Variants in KRT6B observed in about 807,000 individuals in gnomAD.
KRT6B encodes keratin, type II cytoskeletal 6B.
In KRT6B, 29 loss-of-function variants were observed where a neutral mutation model predicts 44.7. The observed-to-expected ratio is 0.65, with a 90% CI of 0.48 to 0.88. KRT6B has a LOEUF of 0.88. Ranked by LOEUF, KRT6B falls within the 40% of genes least tolerant of loss-of-function variation. The pLI, the probability that KRT6B is intolerant of heterozygous loss-of-function variation, is 0.00. For synonymous variants in KRT6B, 213 were observed against 296.0 expected (o/e 0.72, Z 2.88); for missense variants, 600 against 724.0 (o/e 0.83, Z 1.97).
Position 52,450,519 on chromosome 12 carries a change from G to C in KRT6B, c.642C>G (p.Phe214Leu). The C allele has an allele frequency of 1.2e-6, 2 of 1,614,216 alleles. No homozygotes were observed. Among genetic ancestry groups the C allele is most frequent in the Non-Finnish European group, 8.5e-7 (1 of 1,180,054 alleles). ...TCCTGAGGTTGTTGATGTACTGCTC[G>C]AACAACGGCTCCAGGTTCTGCCTCA... ...KTVRQNLEPLFEQYINNLRRQ... is the reference protein window; with the variant it reads ...KTVRQNLEPLLEQYINNLRRQ... Residue 214 changes from phenylalanine to leucine, a missense_variant, in exon 2 of 9, where the codon TTC (phenylalanine) becomes TTG (leucine). Physicochemically the swap from Phe to Leu is conservative, Grantham distance 22 (BLOSUM62 0). Transcript: ENST00000252252.
rs200778388 is a variant in KRT6B, at chr12:52,447,958, C to A, written c.1244G>T (p.Arg415Leu). The change falls in exon 7 of 9, where the codon CGT becomes CTT. Residue 415 changes from arginine to leucine, a missense_variant. By Grantham distance (102) the Arg-to-Leu change is moderately radical (BLOSUM62 -2). This residue lies in a region of KRT6B where 479 missense variants were observed against 454.2 expected (regional missense o/e 1.05). Coordinates refer to ENST00000252252, the MANE Select transcript of KRT6B (RefSeq NM_005555.4). ...LQAAIADAEQ[R>L]GEMALKDAKN... is the part of the protein sequence containing the mutation. Reference sequence around the variant, plus strand: ...AGCATCCTTGAGGGCCATCTCCCCACGCTGCTCAGCATCAGCAATGGCGGC... The same window carrying A: ...AGCATCCTTGAGGGCCATCTCCCCAAGCTGCTCAGCATCAGCAATGGCGGC... 1.2e-6 allele frequency: 2 copies of A among 1,614,160 alleles called. No homozygotes were observed. Among genetic ancestry groups the A allele is most frequent in the South Asian group, 1.1e-5 (1 of 91,082 alleles).
At position 52,451,998 on chromosome 12, in the gene KRT6B, C is replaced by T. The variant is rs1940415401; in HGVS notation, c.81G>A (p.Gly27=). Residue 27 remains glycine, a synonymous_variant, in exon 1 of 9, where the codon GGG becomes GGA. Coordinates refer to ENST00000252252, the MANE Select transcript of KRT6B (RefSeq NM_005555.4). Reference sequence around the variant, plus strand: ...TGCTGCTGAAGCCAGAGCGGCTGACCCCAGGGAGCCTGGCTGAGTTGGCAC... The same window carrying T: ...TGCTGCTGAAGCCAGAGCGGCTGACTCCAGGGAGCCTGGCTGAGTTGGCAC... ...GFSANSARLP[G]VSRSGFSSIS... 6.2e-7 allele frequency: 1 copy of T among 1,613,644 alleles called. No individual in the cohort carries two copies.
In KRT6B at chr12:52,447,943, A is replaced by T. The variant is rs1282286398; in HGVS notation, c.1259T>A (p.Leu420His). Residue 420 changes from leucine (L) to histidine (H), a missense_variant, in exon 7 of 9, where the codon CTC becomes CAC. Leu to His is a moderately conservative substitution (Grantham distance 99, BLOSUM62 -3). This residue lies in a region of KRT6B where 479 missense variants were observed against 454.2 expected (regional missense o/e 1.05). Transcript: ENST00000252252. ...TTCCAGCTTGTTCTTAGCATCCTTG[A>T]GGGCCATCTCCCCACGCTGCTCAGC... ...ADAEQRGEMA[L>H]KDAKNKLEGL... 6.2e-7 allele frequency: 1 copy of T among 1,614,128 alleles called. No individual in the cohort carries two copies. The highest frequency in any genetic ancestry group is 1.1e-5 in the South Asian group (1 of 91,074).
In KRT6B at chr12:52,449,809, C is replaced by G; in HGVS notation, c.861G>C (p.Lys287Asn). The part of the protein sequence containing the change: ...AYMNKVELQA[K>N]ADTLTDEINF... ...TGATCTCATCTGTAAGAGTGTCTGC[C>G]TTGGCTTGCAGTTCAACCTTGTTCA... Residue 287 changes from lysine (K) to asparagine (N), a missense_variant, in exon 4 of 9, where the codon AAG becomes AAC. By Grantham distance (94) the Lys-to-Asn change is moderately conservative. Transcript: ENST00000252252. The G allele has an allele frequency of 1.2e-6, 2 of 1,613,974 alleles. No homozygotes were observed. Among genetic ancestry groups the G allele is most frequent in the Non-Finnish European group, 1.7e-6 (2 of 1,179,884 alleles).
chr12:52,450,182 C>T (rs1940375322), intron 2 of KRT6B, 110 bp from the exon 3 acceptor site: 8 of 1,600,002 alleles, frequency 5.0e-6, no homozygotes, highest in Middle Eastern at 1.7e-4. Flanking sequence ...ATTGAGCTTT[C>T]CTGCCACAGA....
chr12:52,450,725 C>CT, intron 1 of KRT6B, 105 bp from the exon 2 acceptor site: 1 of 1,535,754 alleles, frequency 6.5e-7, no homozygotes, highest in East Asian at 2.3e-5. Flanking sequence ...TGCTGGGCTA[C>CT]TACAGTGCAT....
At chr12:52,448,531 C>A (rs889868275) in intron 6 of KRT6B, among the ~76,000 whole-genome samples, 1 of 152,196 alleles carries the variant, frequency 6.6e-6, no homozygotes, top group African/African-American at 2.4e-5. Context: ...GACCTGACAT[C>A]TTGCCCAACT....
At chr12:52,451,513 C>G (rs373919036) in intron 1 of KRT6B, 26 bp downstream of exon 1, 7 of 1,613,522 alleles carry the variant, frequency 4.3e-6, no homozygotes, top group Admixed American at 1.7e-5. Context: ...CTGAAGTGCC[C>G]GATGGAGGGC....
chr12:52,450,296 A>G (rs1454616757), intron 2 of KRT6B, 110 bp downstream of exon 2: 9 of 1,466,544 alleles, frequency 6.1e-6, no homozygotes, highest in Non-Finnish European at 8.6e-6. Context: ...CCTAGGGACT[A>G]ATTTGTGCTT....
intron 6 of KRT6B, 150 bp from the exon 7 acceptor site, chr12:52,448,148 C>A: frequency 1.8e-6 from 2 of 1,090,836 alleles, no homozygotes; most frequent in Non-Finnish European, 2.7e-6. Flanking sequence ...TTTTTACTGT[C>A]TTCAAAGTTT....
intron 6 of KRT6B, 103 bp from the exon 7 acceptor site, chr12:52,448,101 C>A (rs1592169432): frequency 6.9e-7 from 1 of 1,455,462 alleles, no homozygotes; most frequent in Non-Finnish European, 9.5e-7. Flanking sequence ...GAACCCAGAA[C>A]TGATGGTAAA....
chr12:52,450,136 T>A (rs1458368465), intron 2 of KRT6B, 64 bp from the exon 3 acceptor site: 32 of 1,613,460 alleles, frequency 2.0e-5, no homozygotes, highest in Non-Finnish European at 2.6e-5. Flanking sequence ...AAAAGCAGCT[T>A]GGGATTCAAC....
chr12:52,451,997 C>T lies in KRT6B; in HGVS notation c.82G>A (p.Val28Ile), dbSNP rs761093716. 2.5e-6 allele frequency: 4 copies of T among 1,613,770 alleles called. No homozygotes were observed. In the Admixed American group the frequency reaches 5.0e-5, roughly 20 times the overall value. The part of the protein sequence containing the change: ...FSANSARLPG[V>I]SRSGFSSISV... ...ATGCTGCTGAAGCCAGAGCGGCTGA[C>T]CCCAGGGAGCCTGGCTGAGTTGGCA... Residue 28 changes from valine to isoleucine, a missense_variant, in exon 1 of 9, where the codon GTC (valine) becomes ATC (isoleucine). Around this residue, in one of 4 missense-constraint regions of KRT6B, gnomAD observed 78 missense variants for 97.5 expected, o/e 0.80. Coordinates refer to ENST00000252252, the MANE Select transcript of KRT6B (RefSeq NM_005555.4).
intron 1 of KRT6B, among the ~76,000 whole-genome samples, chr12:52,450,863 A>T (rs1229707026): frequency 6.6e-6 from 1 of 152,250 alleles, no homozygotes; most frequent in Non-Finnish European, 1.5e-5. Context: ...ATCATCAGTG[A>T]GTTTCAACAT....
In KRT6B at chr12:52,447,026, C is replaced by T. The variant is rs1048350395; in HGVS notation, c.*164G>A. The T allele has an allele frequency of 1.3e-6, 1 of 788,202 alleles. No homozygotes were observed. Among genetic ancestry groups the T allele is most frequent in the Non-Finnish European group, 2.0e-6 (1 of 495,716 alleles). 48.8% of individuals were successfully genotyped at this position (788,202 alleles called of 1,614,324 possible). ...TTGACTTGATGGTAAGCAACAGGAG[C>T]TCAGTGGAACAGGTATTGATGAGAA... On this transcript the variant is annotated 3_prime_UTR_variant, in exon 9 of 9. Coordinates refer to ENST00000252252, the MANE Select transcript of KRT6B (RefSeq NM_005555.4).
intron 6 of KRT6B, 37 bp from the exon 7 acceptor site, chr12:52,448,035 G>T: frequency 1.2e-6 from 2 of 1,613,474 alleles, no homozygotes; most frequent in South Asian, 2.2e-5. Flanking sequence ...CTTGTCATCT[G>T]GTCTTCCAGA....
chr12:52,450,854 T>A (rs774566274), intron 1 of KRT6B, among the ~76,000 whole-genome samples: 88 of 152,386 alleles, frequency 5.8e-4, no homozygotes, highest in Non-Finnish European at 1.1e-3. Context: ...AAGCTATTGA[T>A]CATCAGTGAG....
rs1377724049 is a variant in KRT6B at position 52,450,503 on chromosome 12, T to G, written c.658A>C (p.Asn220His). 6.2e-7 allele frequency: 1 copy of G among 1,614,134 alleles called. No individual in the cohort carries two copies. The highest frequency in any genetic ancestry group is 2.2e-5 in the East Asian group (1 of 44,908). ...LEPLFEQYINNLRRQLDNIVG... is the reference protein window; with the variant it reads ...LEPLFEQYINHLRRQLDNIVG... ...ATGTTGTCCAGCTGCCTCCTGAGGT[T>G]GTTGATGTACTGCTCGAACAACGGC... Residue 220 changes from asparagine (N) to histidine (H), a missense_variant, in exon 2 of 9, where the codon AAC becomes CAC. Asn to His is a moderately conservative substitution (Grantham distance 68, BLOSUM62 1). Transcript: ENST00000252252.
chr12:52,449,844 C>T lies in KRT6B; in HGVS notation c.826G>A (p.Ala276Thr). Residue 276 changes from alanine to threonine, a missense_variant, in exon 4 of 9, where the codon GCT becomes ACT. This residue lies in a region of KRT6B where 479 missense variants were observed against 454.2 expected (regional missense o/e 1.05). Transcript: ENST00000252252. ...AGTTCAACCTTGTTCATGTAGGCAGCATCCACATCCTGGGGAAAGAGCCAA... is the reference window on the plus strand; with the variant it reads ...AGTTCAACCTTGTTCATGTAGGCAGTATCCACATCCTGGGGAAAGAGCCAA... ...EFVTLKKDVD[A>T]AYMNKVELQA... is the part of the protein sequence containing the mutation. The T allele has an allele frequency of 6.2e-7, 1 of 1,613,968 alleles. No individual in the cohort carries two copies. The highest frequency in any genetic ancestry group is 8.5e-7 in the Non-Finnish European group (1 of 1,179,886).
Sources: gnomAD v4.1 joint callset for allele counts (sites outside exome capture counted in the v4.1 genomes callset) on GRCh38, gnomAD v4.1.1 for gene constraint, gnomAD v4.1.1 regional missense constraint, MANE v1.5 for transcripts, NCBI Gene and HGNC (gene_info 2026-07-23, HGNC 2026-07-21) for gene names.